Variants in NCR3 observed in about 807,000 individuals in gnomAD.
The protein encoded by NCR3 is NK-p30.
NCR3 carries 13 observed loss-of-function variants against 16.1 expected under a neutral mutation model. The observed-to-expected ratio is 0.81, with a 90% CI of 0.53 to 1.28. NCR3 has a LOEUF of 1.28. NCR3 is among the 50% of genes most tolerant of loss of function. NCR3 has a pLI of 0.00. For synonymous variants in NCR3, 98 were observed against 106.6 expected, an observed-to-expected ratio of 0.92 and a Z score of 0.50; for missense variants, 202 against 256.8, an observed-to-expected ratio of 0.79 and a Z score of 1.46.
rs987955246 is a variant in NCR3 at position 31,593,006 on chromosome 6, G to A, written c.-285C>T. On this transcript the variant is annotated 5_prime_UTR_variant, in exon 1 of 4. Coordinates refer to ENST00000340027, the MANE Select transcript of NCR3 (RefSeq NM_147130.3). ...TGTGGCAGGCTAGCTAAGCGTGTGAGGGGGAGGGTGGGGCTTAGATGGCTG... is the reference window on the plus strand; with the variant it reads ...TGTGGCAGGCTAGCTAAGCGTGTGAAGGGGAGGGTGGGGCTTAGATGGCTG... The A allele has an allele frequency of 3.3e-5, 18 of 543,366 alleles. No individual in the cohort carries two copies. The highest frequency in any genetic ancestry group is 6.0e-5 in the Non-Finnish European group (18 of 300,892). The allele number at this position is 543,366 out of a possible 1,614,324, so 33.7% of individuals were successfully genotyped here.
intron 1 of NCR3, among the ~76,000 whole-genome samples, chr6:31,592,398 C>G (rs928088414): frequency 7.0e-6 from 1 of 142,816 alleles, no homozygotes; most frequent in Non-Finnish European, 1.5e-5. Context: ...GGCGACAGAG[C>G]GAGACTCAGT....
chr6:31,590,661 C>T (rs1408999991), intron 1 of NCR3, among the ~76,000 whole-genome samples: 1 of 152,062 alleles, frequency 6.6e-6, no homozygotes, highest in African/African-American at 2.4e-5. Context: ...TCACTCTCAC[C>T]CTCTGCCATC....
chr6:31,591,618 C>G (rs1772636558), intron 1 of NCR3, among the ~76,000 whole-genome samples: 1 of 152,154 alleles, frequency 6.6e-6, no homozygotes, highest in African/African-American at 2.4e-5. Flanking sequence ...GAGTTTGAGA[C>G]CAGCCTGGCC....
intron 1 of NCR3, 99 bp downstream of exon 1, chr6:31,592,580 G>T: frequency 7.5e-7 from 1 of 1,332,960 alleles, no homozygotes; most frequent in Non-Finnish European, 1.1e-6. Flanking sequence ...GTGTGTTTCA[G>T]CCCCCACCAA....
Position 31,588,898 on chromosome 6 carries a change from C to T in NCR3, c.*169G>A. On this transcript the variant is annotated 3_prime_UTR_variant, in exon 4 of 4. Coordinates refer to ENST00000340027, the MANE Select transcript of NCR3 (RefSeq NM_147130.3). ...TAAAATAAAAAAAACACATGGCTCA[C>T]CCTTCCACCCACTCTGGGGTCAAAT... The T allele has an allele frequency of 1.1e-6, 1 of 897,012 alleles. No homozygotes were observed. The highest frequency in any genetic ancestry group is 1.7e-6 in the Non-Finnish European group (1 of 597,416). 55.6% of individuals were successfully genotyped at this position (897,012 alleles called of 1,614,324 possible).
chr6:31,592,612 G>A (rs983745275), intron 1 of NCR3, 67 bp downstream of exon 1: 1 of 1,580,946 alleles, frequency 6.3e-7, no homozygotes, highest in African/African-American at 1.3e-5. Context: ...ATAGCATCTA[G>A]TCCAGCCTCC....
In NCR3 at chr6:31,592,925, A is replaced by G. The variant is rs11575836; in HGVS notation, c.-204T>C. ...CAAATGCTTGCCTCCCTGAGGAGAG[A>G]GGACAGATGCTGCTGGAGGAGATGT... On this transcript the variant is annotated 5_prime_UTR_variant, in exon 1 of 4. Transcript: ENST00000340027. 0.12 allele frequency: 75,521 copies of G among 635,370 alleles called. 4,854 individuals are homozygous for G. The highest frequency in any genetic ancestry group is 0.14 in the Non-Finnish European group (47,521 of 349,710). 39.4% of individuals were successfully genotyped at this position (635,370 alleles called of 1,614,324 possible).
Position 31,592,808 on chromosome 6 carries a change from T to C in NCR3, c.-87A>G, listed in dbSNP as rs1348275867. On this transcript the variant is annotated 5_prime_UTR_variant, in exon 1 of 4. Transcript: ENST00000340027. ...GGACTCACTACTTGTAGCCAGGCCT[T>C]TGGTCACCAGATGGGGATGGGGAGC... The C allele has an allele frequency of 8.1e-6, 12 of 1,481,094 alleles. No individual in the cohort carries two copies. Among genetic ancestry groups the C allele is most frequent in the Non-Finnish European group, 7.5e-6 (8 of 1,066,026 alleles). 91.7% of individuals were successfully genotyped at this position (1,481,094 alleles called of 1,614,324 possible). A position where few individuals can be genotyped will look rare whatever the true frequency, so the allele number is the denominator to read the frequency against.
chr6:31,589,513 C>A lies in NCR3; in HGVS notation c.496+13G>T. 6.2e-7 allele frequency: 1 copy of A among 1,613,744 alleles called. No individual in the cohort carries two copies. The highest frequency in any genetic ancestry group is 8.5e-7 in the Non-Finnish European group (1 of 1,179,790). On this transcript the variant is annotated intron_variant, in intron 3 of 3. Transcript: ENST00000340027. The surrounding 1 kb of genome is among the most constrained non-coding windows in gnomAD (Gnocchi z 4.8). ...CCATCCCGTCCACTATTGCCCCTGG[C>A]TCCATTACTCACATTTGCCCTGGTA...
chr6:31,589,249 A>T lies in NCR3; in HGVS notation c.497-73T>A. 3 of 1,567,542 alleles carry T rather than the reference A, an allele frequency of 1.9e-6. No individual in the cohort carries two copies. Among genetic ancestry groups the T allele is most frequent in the Non-Finnish European group, 2.6e-6 (3 of 1,155,348 alleles). ...TTTGGCATCTGGAGAATGGAGAAGA[A>T]AACACTTGAGACTCATGAGGAGTTA... On this transcript the variant is annotated intron_variant, in intron 3 of 3. Coordinates refer to ENST00000340027, the MANE Select transcript of NCR3 (RefSeq NM_147130.3). This position sits in a 1 kb window ranked among gnomAD's most constrained non-coding sequence, Gnocchi z 4.8.
intron 1 of NCR3, among the ~76,000 whole-genome samples, chr6:31,592,236 C>T (rs1772684030): frequency 6.9e-6 from 1 of 145,592 alleles, no homozygotes; most frequent in South Asian, 2.2e-4. Flanking sequence ...GGTGACAGAG[C>T]AAGACTCCGT....
intron 1 of NCR3, among the ~76,000 whole-genome samples, chr6:31,591,363 T>C (rs1772620791): frequency 6.6e-6 from 1 of 152,230 alleles, no homozygotes; most frequent in Admixed American, 6.5e-5. Flanking sequence ...ACCTGGAGCA[T>C]CTGCTAGAAC....
rs1772736512 is a variant in NCR3, at chr6:31,592,824, G to A, written c.-103C>T. 7.9e-7 allele frequency: 1 copy of A among 1,260,796 alleles called. No individual in the cohort carries two copies. 78.1% of individuals were successfully genotyped at this position (1,260,796 alleles called of 1,614,324 possible). The stretch of plus-strand genomic sequence containing the variant: ...GCCAGGCCTTTGGTCACCAGATGGG[G>A]ATGGGGAGCTTCCTATGACACACGG... On this transcript the variant is annotated 5_prime_UTR_variant, in exon 1 of 4. Transcript: ENST00000340027.
At position 31,589,142 on chromosome 6, in the gene NCR3, C is replaced by T. The variant is rs775013182; in HGVS notation, c.531G>A (p.Pro177=). Residue 177 remains proline, a synonymous_variant, in exon 4 of 4, where the codon CCG becomes CCA. Coordinates refer to ENST00000340027, the MANE Select transcript of NCR3 (RefSeq NM_147130.3). This position sits in a 1 kb window ranked among gnomAD's most constrained non-coding sequence, Gnocchi z 4.8. ...GTGGGAGGGGCGCTGGGACCACAGC[C>T]GGCAGCTGCCTTCTTGGACCTTTCC... ...LTWKGPRRQL[P]AVVPAPLPPP... 14 of 1,613,742 alleles carry T rather than the reference C, an allele frequency of 8.7e-6. No homozygotes were observed. Among genetic ancestry groups the T allele is most frequent in the Admixed American group, 1.7e-5 (1 of 59,992 alleles).
Position 31,589,393 on chromosome 6 carries a change from T to G in NCR3, c.496+133A>C. 1 of 1,552,822 alleles carries G rather than the reference T, an allele frequency of 6.4e-7. No homozygotes were observed. The highest frequency in any genetic ancestry group is 8.7e-7 in the Non-Finnish European group (1 of 1,147,400). Reference sequence around the variant, plus strand: ...GTGTTCCCATGTGACAGTGGCCTGGTCAGAGAGAGGACAGGAGCTGCTCAG... The same window carrying G: ...GTGTTCCCATGTGACAGTGGCCTGGGCAGAGAGAGGACAGGAGCTGCTCAG... On this transcript the variant is annotated intron_variant, in intron 3 of 3. Transcript: ENST00000340027. The surrounding 1 kb of genome is among the most constrained non-coding windows in gnomAD (Gnocchi z 4.8).
intron 1 of NCR3, among the ~76,000 whole-genome samples, chr6:31,591,829 C>T (rs906496339): frequency 1.3e-5 from 2 of 151,700 alleles, no homozygotes; most frequent in African/African-American, 4.8e-5. Flanking sequence ...AAAAGTTTCA[C>T]CACCAGGCGG....
At chr6:31,591,799 G>A (rs1012259198) in intron 1 of NCR3, among the ~76,000 whole-genome samples, 2 of 151,850 alleles carry the variant, frequency 1.3e-5, no homozygotes, top group African/African-American at 4.8e-5. Context: ...CTGGACAACA[G>A]AATGAAACTG....
intron 1 of NCR3, 35 bp downstream of exon 1, chr6:31,592,644 A>G: frequency 6.2e-7 from 1 of 1,611,918 alleles, no homozygotes. Context: ...CCTCCCACCC[A>G]CACTCCTTGG....
Position 31,591,422 on chromosome 6 carries a change from G to A in NCR3, c.43+1257C>T, listed in dbSNP as rs192119898. On this transcript the variant is annotated intron_variant, in intron 1 of 3. Transcript: ENST00000340027. The stretch of plus-strand genomic sequence containing the variant: ...GTTTTTGACTCAGTAGGTCTGGAGT[G>A]GGGCCTAAGAATTTGTTCTAGGTTC... 3.6e-3 allele frequency among the ~76,000 whole-genome samples: 545 copies of A among 152,258 alleles called. 4 individuals are homozygous for A. The highest frequency in any genetic ancestry group is 0.013 in the African/African-American group (529 of 41,538).
Sources: allele counts gnomAD v4.1 joint callset (sites outside exome capture counted in the v4.1 genomes callset), GRCh38; gene constraint gnomAD v4.1.1; non-coding constraint Gnocchi (gnomAD v3.1); transcripts MANE v1.5; gene names NCBI Gene and HGNC (gene_info 2026-07-23, HGNC 2026-07-21).